KHDRBS2: variants seen among roughly 807,000 people sequenced by gnomAD.
The protein encoded by KHDRBS2 is KH RNA binding domain containing, signal transduction associated 2.
A neutral mutation model predicts 44.3 loss-of-function variants in KHDRBS2; 26 were observed. That is an observed-to-expected ratio of 0.59 (90% CI 0.43 to 0.81). The LOEUF (loss-of-function observed/expected upper bound fraction) is 0.81, where lower values mean the gene tolerates loss of function less well. Ranked by LOEUF, KHDRBS2 falls within the 40% of genes least tolerant of loss-of-function variation. The pLI, the probability that KHDRBS2 is intolerant of heterozygous loss-of-function variation, is 0.00. For synonymous variants in KHDRBS2, 194 were observed against 151.1 expected (o/e 1.28, Z -2.08); for missense variants, 476 against 433.1 (o/e 1.10, Z -0.88).
At chr6:61,938,867 A>G (rs1811551223) in intron 4 of KHDRBS2, among the ~76,000 whole-genome samples, 1 of 152,198 alleles carries the variant, frequency 6.6e-6, no homozygotes. Context: ...CAGTGCAAAT[A>G]TAAAGATGTT....
intron 4 of KHDRBS2, among the ~76,000 whole-genome samples, chr6:61,913,102 G>A (rs181609537): frequency 3.2e-4 from 49 of 152,098 alleles, no homozygotes; most frequent in East Asian, 2.1e-3. Context: ...TTCCTTATTC[G>A]TTTTTAAAAT....
chr6:61,752,550 T>G (rs1777852936), intron 6 of KHDRBS2, among the ~76,000 whole-genome samples: 1 of 151,954 alleles, frequency 6.6e-6, no homozygotes, highest in South Asian at 2.1e-4. Flanking sequence ...TCCATTAGCT[T>G]CTTCTAGTAT....
chr6:61,914,868 C>G (rs1189563610), intron 4 of KHDRBS2, among the ~76,000 whole-genome samples: 2 of 151,978 alleles, frequency 1.3e-5, no homozygotes, highest in African/African-American at 4.8e-5. Flanking sequence ...ATGAAGACAT[C>G]CAATGATCAA....
intron 2 of KHDRBS2, among the ~76,000 whole-genome samples, chr6:62,131,461 C>A (rs1255782698): frequency 1.3e-5 from 2 of 152,164 alleles, no homozygotes; most frequent in Admixed American, 1.3e-4. Flanking sequence ...GTGAAGCTAG[C>A]AGCATCAAGC....
chr6:61,925,878 G>A (rs1583542293), intron 4 of KHDRBS2, among the ~76,000 whole-genome samples: 1 of 152,030 alleles, frequency 6.6e-6, no homozygotes, highest in African/African-American at 2.4e-5. Flanking sequence ...CTGCATTATG[G>A]AACATTTATT....
intron 1 of KHDRBS2, among the ~76,000 whole-genome samples, chr6:62,241,973 AG>A (rs1307361617): frequency 6.6e-6 from 1 of 152,204 alleles, no homozygotes; most frequent in African/African-American, 2.4e-5. Context: ...TTTCAACATC[AG>A]GAAGTTTAGA....
chr6:62,083,127 C>T (rs902085340), intron 2 of KHDRBS2, among the ~76,000 whole-genome samples: 2 of 152,080 alleles, frequency 1.3e-5, no homozygotes, highest in Admixed American at 6.6e-5. Context: ...CCCTGGCCTG[C>T]CCTGCCCCCG....
At chr6:62,040,759 T>G (rs1055096222) in intron 3 of KHDRBS2, among the ~76,000 whole-genome samples, 1 of 152,050 alleles carries the variant, frequency 6.6e-6, no homozygotes, top group Non-Finnish European at 1.5e-5. Flanking sequence ...AGACATAGTG[T>G]TTCTGCAAAT....
At chr6:61,771,327 C>A (rs1443132856) in intron 6 of KHDRBS2, among the ~76,000 whole-genome samples, 1 of 152,116 alleles carries the variant, frequency 6.6e-6, no homozygotes, top group Non-Finnish European at 1.5e-5. Flanking sequence ...ATCAAATTCA[C>A]ACATAACAAT....
chr6:61,884,348 C>T (rs551666427), intron 6 of KHDRBS2, among the ~76,000 whole-genome samples: 2 of 152,050 alleles, frequency 1.3e-5, no homozygotes, highest in African/African-American at 2.4e-5. Context: ...TTTCTCATGT[C>T]GTGCTGAACT....
intron 1 of KHDRBS2, among the ~76,000 whole-genome samples, chr6:62,180,866 T>A (rs2150125466): frequency 6.6e-6 from 1 of 151,870 alleles, no homozygotes; most frequent in South Asian, 2.1e-4. Flanking sequence ...GAACATAACA[T>A]GGAGTCCAGA....
At chr6:61,724,579 A>G (rs554808807) in intron 7 of KHDRBS2, among the ~76,000 whole-genome samples, 16 of 152,310 alleles carry the variant, frequency 1.1e-4, no homozygotes, top group Non-Finnish European at 2.1e-4. Context: ...CTCATGTGCA[A>G]AGACACACAT....
At chr6:61,587,529 A>G in the KHDRBS2 span, among the ~76,000 whole-genome samples, 1 of 152,034 alleles carries the variant, frequency 6.6e-6, no homozygotes, top group Non-Finnish European at 1.5e-5. Flanking sequence ...TACATTTTTC[A>G]CTTTCAGACA....
intron 1 of KHDRBS2, among the ~76,000 whole-genome samples, chr6:62,277,796 T>A (rs1006519385): frequency 1.3e-5 from 2 of 152,210 alleles, no homozygotes; most frequent in Non-Finnish European, 2.9e-5. Flanking sequence ...TATCTCTCTA[T>A]ACTGCAAAAT....
chr6:61,833,855 T>C (rs769228583), intron 6 of KHDRBS2, among the ~76,000 whole-genome samples: 13 of 152,158 alleles, frequency 8.5e-5, no homozygotes, highest in Non-Finnish European at 1.3e-4. Context: ...TTGTTTAAAA[T>C]TTAAAATTTT....
At chr6:62,108,416 A>C (rs1364356009) in intron 2 of KHDRBS2, among the ~76,000 whole-genome samples, 1 of 152,218 alleles carries the variant, frequency 6.6e-6, no homozygotes, top group African/African-American at 2.4e-5. Flanking sequence ...CACACCAGTT[A>C]GAATGGCGAT....
chr6:61,813,679 T>G lies in KHDRBS2; in HGVS notation c.811-80915A>C, dbSNP rs1480014804. ...CAGTCTTGCATAGTGTAGTTTCCAT[T>G]TGAATTATCAGCTCCCTGCTCAGTT... On this transcript the variant is annotated intron_variant, in intron 6 of 8. Transcript: ENST00000281156. 2.6e-5 allele frequency among the ~76,000 whole-genome samples: 4 copies of G among 152,346 alleles called. No homozygotes were observed. In the East Asian group the frequency reaches 7.7e-4, roughly 29 times the overall value.
chr6:61,697,088 T>G, intron 8 of KHDRBS2, 107 bp downstream of exon 8: 1 of 795,074 alleles, frequency 1.3e-6, no homozygotes, highest in Non-Finnish European at 2.2e-6. Flanking sequence ...ATCAATTTAG[T>G]CTAGACTTCT....
chr6:62,285,974 G>A lies in KHDRBS2; in HGVS notation c.-26C>T, dbSNP rs373455592. 8 of 1,477,438 alleles carry A rather than the reference G, an allele frequency of 5.4e-6. No homozygotes were observed. The African/African-American group carries it at 6.9e-5, about 13-fold the overall frequency. 91.5% of individuals were successfully genotyped at this position (1,477,438 alleles called of 1,614,324 possible). On this transcript the variant is annotated 5_prime_UTR_variant, in exon 1 of 9. Coordinates refer to ENST00000281156, the MANE Select transcript of KHDRBS2 (RefSeq NM_152688.4). ...AGCGCGGACTTCGGATTGTCCCCGGGCGAAGCGCGAGGTTCCGCTCGCTCG... is the reference window on the plus strand; with the variant it reads ...AGCGCGGACTTCGGATTGTCCCCGGACGAAGCGCGAGGTTCCGCTCGCTCG...
Sources: allele counts gnomAD v4.1 joint callset (sites outside exome capture counted in the v4.1 genomes callset), GRCh38; gene constraint gnomAD v4.1.1; transcripts MANE v1.5; gene names NCBI Gene and HGNC (gene_info 2026-07-23, HGNC 2026-07-21).